The following SCHIP1 variants were observed in gnomAD, a reference collection of about 807,000 sequenced individuals.
SCHIP1 encodes schwannomin interacting protein 1.
SCHIP1 carries 8 observed loss-of-function variants against 29.7 expected under a neutral mutation model. The ratio of observed to expected loss-of-function variants is 0.27; its 90% confidence interval spans 0.16 to 0.49. SCHIP1 has a LOEUF of 0.49. Ranked by LOEUF, SCHIP1 falls within the 20% of genes least tolerant of loss-of-function variation. The pLI is 0.99. For missense variants in SCHIP1, 193 were observed against 294.6 expected (o/e 0.66, Z 2.52); for synonymous variants, 76 against 94.9 (o/e 0.80, Z 1.16).
At chr3:159,481,556 G>T in the SCHIP1 span, among the ~76,000 whole-genome samples, 3 of 152,186 alleles carry the variant, frequency 2.0e-5, no homozygotes, top group African/African-American at 7.2e-5. Flanking sequence ...ATTTTACTAG[G>T]TATTCTGCAT....
chr3:159,653,117 G>C, the SCHIP1 span, among the ~76,000 whole-genome samples: 1 of 152,150 alleles, frequency 6.6e-6, no homozygotes, highest in African/African-American at 2.4e-5. Context: ...TGGAGAAATA[G>C]GAACACTTTT....
At chr3:159,857,556 A>G (rs1258469869) in intron 1 of SCHIP1, among the ~76,000 whole-genome samples, 1 of 152,104 alleles carries the variant, frequency 6.6e-6, no homozygotes, top group Non-Finnish European at 1.5e-5. Context: ...TCATCAACCC[A>G]AAAAGAAACC....
chr3:159,438,034 A>G, the SCHIP1 span, among the ~76,000 whole-genome samples: 2 of 152,136 alleles, frequency 1.3e-5, no homozygotes, highest in Non-Finnish European at 2.9e-5. Context: ...ATGATTTCAT[A>G]TATGTAAAGT....
chr3:159,835,924 GAC>G (rs772261862), upstream of SCHIP1, among the ~76,000 whole-genome samples: 1 of 152,126 alleles, frequency 6.6e-6, no homozygotes, highest in Non-Finnish European at 1.5e-5. Context: ...TGGATTTAAA[GAC>G]ACAATAGTTT....
chr3:159,380,908 C>T, the SCHIP1 span, among the ~76,000 whole-genome samples: 2 of 152,138 alleles, frequency 1.3e-5, no homozygotes, highest in Non-Finnish European at 2.9e-5. Context: ...TAGTAAAAGA[C>T]GTGTTGTATA....
At chr3:159,869,014 A>G (rs913902688) in intron 2 of SCHIP1, among the ~76,000 whole-genome samples, 2 of 151,978 alleles carry the variant, frequency 1.3e-5, no homozygotes, top group African/African-American at 4.8e-5. Flanking sequence ...AATGATTTTT[A>G]TTGTGTATAT....
At chr3:159,649,794 T>A in the SCHIP1 span, among the ~76,000 whole-genome samples, 1 of 152,164 alleles carries the variant, frequency 6.6e-6, no homozygotes, top group African/African-American at 2.4e-5. Context: ...ATGTTATGGT[T>A]CAGATTAAAA....
At chr3:159,398,304 G>T in the SCHIP1 span, among the ~76,000 whole-genome samples, 1 of 152,074 alleles carries the variant, frequency 6.6e-6, no homozygotes, top group Non-Finnish European at 1.5e-5. Flanking sequence ...CTCATGCTGG[G>T]AGCTGTAGGC....
chr3:159,657,802 G>A, the SCHIP1 span, among the ~76,000 whole-genome samples: 6 of 152,230 alleles, frequency 3.9e-5, no homozygotes, highest in Non-Finnish European at 1.5e-5. Flanking sequence ...TTCTGTGGAC[G>A]CAGTTGCTAT....
At chr3:159,361,815 C>A in the SCHIP1 span, among the ~76,000 whole-genome samples, 1 of 152,108 alleles carries the variant, frequency 6.6e-6, no homozygotes, top group African/African-American at 2.4e-5. Flanking sequence ...AATGTATATT[C>A]AAAAATGACT....
At chr3:159,404,742 C>G in the SCHIP1 span, among the ~76,000 whole-genome samples, 1 of 152,198 alleles carries the variant, frequency 6.6e-6, no homozygotes, top group African/African-American at 2.4e-5. Context: ...GCAAGCCTGG[C>G]TGGCTTTGCC....
the SCHIP1 span, among the ~76,000 whole-genome samples, chr3:159,316,365 G>A: frequency 6.6e-6 from 1 of 152,138 alleles, no homozygotes. Flanking sequence ...AAAGATGTAG[G>A]GTGGGAGGCT....
At chr3:159,408,797 A>G in the SCHIP1 span, among the ~76,000 whole-genome samples, 1 of 152,200 alleles carries the variant, frequency 6.6e-6, no homozygotes. Context: ...TAAAGTCAGT[A>G]TTATCCTGAT....
the SCHIP1 span, among the ~76,000 whole-genome samples, chr3:159,537,519 G>C: frequency 6.6e-6 from 1 of 152,100 alleles, no homozygotes; most frequent in African/African-American, 2.4e-5. Context: ...TCCTTCCAGA[G>C]TTTCTTTCTT....
At chr3:159,415,238 C>T in the SCHIP1 span, among the ~76,000 whole-genome samples, 1 of 152,112 alleles carries the variant, frequency 6.6e-6, no homozygotes, top group African/African-American at 2.4e-5. Flanking sequence ...CAAATTACTC[C>T]AACTGAGTGT....
At chr3:159,837,957 C>T (rs931105463), upstream of SCHIP1, among the ~76,000 whole-genome samples, 3 of 152,172 alleles carry the variant, frequency 2.0e-5, no homozygotes, top group Non-Finnish European at 2.9e-5. Flanking sequence ...CCTAGAAAGT[C>T]CTGCACGTGT....
chr3:159,303,416 G>A, the SCHIP1 span, among the ~76,000 whole-genome samples: 1,086 of 149,776 alleles, frequency 7.3e-3, 9 homozygotes, highest in African/African-American at 0.026. Context: ...CTAATAGGGG[G>A]GTACTGGTAC....
the SCHIP1 span, among the ~76,000 whole-genome samples, chr3:159,337,048 GC>G: frequency 6.6e-6 from 1 of 152,022 alleles, no homozygotes; most frequent in Non-Finnish European, 1.5e-5. Context: ...TTCAACATAC[GC>G]AAATCAATAA....
At chr3:159,405,824 A>C in the SCHIP1 span, among the ~76,000 whole-genome samples, 1 of 151,286 alleles carries the variant, frequency 6.6e-6, no homozygotes, top group Non-Finnish European at 1.5e-5. Context: ...CGGAGGTTGC[A>C]GTGAGCTGAG....
Sources: allele counts gnomAD v4.1 joint callset (sites outside exome capture counted in the v4.1 genomes callset), GRCh38; gene constraint gnomAD v4.1.1; transcripts MANE v1.5; gene names NCBI Gene and HGNC (gene_info 2026-07-23, HGNC 2026-07-21).